The following CEP170 variants were observed in gnomAD, a reference collection of about 807,000 sequenced individuals.
The protein encoded by CEP170 is centrosomal protein of 170 kDa.
CEP170 carries 21 observed loss-of-function variants against 151.9 expected under a neutral mutation model. That is an observed-to-expected ratio of 0.14 (90% CI 0.10 to 0.20). The LOEUF (loss-of-function observed/expected upper bound fraction) is 0.20, where lower values mean the gene tolerates loss of function less well. Ranked by LOEUF, CEP170 falls within the 10% of genes least tolerant of loss-of-function variation. CEP170 has a pLI of 1.00. For missense variants in CEP170, 964 were observed against 1,892.9 expected, an observed-to-expected ratio of 0.51 and a Z score of 9.11; for synonymous variants, 356 against 648.8, an observed-to-expected ratio of 0.55 and a Z score of 6.86.
In CEP170 at chr1:243,165,902, T is replaced by C; in HGVS notation, c.2058A>G (p.Val686=). The change falls in exon 13 of 20, where the codon GTA becomes GTG. Residue 686 remains valine, a synonymous_variant. Transcript: ENST00000366542. The part of the protein sequence containing the change: ...ELQEKETPTQ[V]YQKDKQDADR... ...CAGCATCTTGTTTATCTTTCTGGTA[T>C]ACCTGTGTAGGTGTTTCTTTCTCCT... 6.2e-7 allele frequency: 1 copy of C among 1,613,886 alleles called. No homozygotes were observed. Among genetic ancestry groups the C allele is most frequent in the South Asian group, 1.1e-5 (1 of 91,078 alleles).
intron 1 of CEP170, among the ~76,000 whole-genome samples, chr1:243,230,535 G>C (rs1264921857): frequency 6.6e-6 from 1 of 152,088 alleles, no homozygotes; most frequent in Non-Finnish European, 1.5e-5. Context: ...AAAAAAATGA[G>C]AATATCAGTA....
rs957153071 is a variant in CEP170, at chr1:243,221,867, AGTC to A, written c.106-57_106-55del. 4.9e-5 allele frequency: 74 copies of A among 1,507,448 alleles called. 1 individual carries two copies. In the African/African-American group the frequency reaches 7.9e-4, roughly 16 times the overall value. 93.4% of individuals were successfully genotyped at this position (1,507,448 alleles called of 1,614,324 possible). On this transcript the variant is annotated intron_variant, in intron 2 of 19. Coordinates refer to ENST00000366542, the MANE Select transcript of CEP170 (RefSeq NM_014812.3). ...ATAAGAAAATACTAGAATAAATACCAGTCACATTTTGGCTAGATACCTAATATT... is the reference window on the plus strand; with the variant it reads ...ATAAGAAAATACTAGAATAAATACCAACATTTTGGCTAGATACCTAATATT...
chr1:243,159,869 A>C (rs1387288104), intron 13 of CEP170, among the ~76,000 whole-genome samples: 1 of 149,124 alleles, frequency 6.7e-6, no homozygotes, highest in African/African-American at 2.5e-5. Context: ...GCTCACTGCA[A>C]TCTCCACCTC....
At chr1:243,144,884 G>T (rs2056283147) in intron 14 of CEP170, among the ~76,000 whole-genome samples, 1 of 152,258 alleles carries the variant, frequency 6.6e-6, no homozygotes, top group East Asian at 1.9e-4. Flanking sequence ...ATTAGTCCTA[G>T]TCTTTATGTT....
chr1:243,141,162 T>C (rs1042278446), intron 15 of CEP170, among the ~76,000 whole-genome samples: 5 of 152,204 alleles, frequency 3.3e-5, no homozygotes, highest in Non-Finnish European at 4.4e-5. Context: ...ATTAAATTTG[T>C]CAAAAAGGCT....
chr1:243,132,037 A>G (rs1340586344), intron 17 of CEP170, among the ~76,000 whole-genome samples: 1 of 152,208 alleles, frequency 6.6e-6, no homozygotes, highest in African/African-American at 2.4e-5. Flanking sequence ...CATGGAATGC[A>G]ATGAGAATGC....
At chr1:243,164,187 G>GCTTC in intron 13 of CEP170, 97 bp downstream of exon 13, 1 of 1,287,806 alleles carries the variant, frequency 7.8e-7, no homozygotes, top group Middle Eastern at 2.9e-4. Context: ...GAGTATCTTG[G>GCTTC]GAAGACAACT....
chr1:243,136,000 A>G, intron 17 of CEP170, 143 bp downstream of exon 17: 2 of 1,252,416 alleles, frequency 1.6e-6, no homozygotes, highest in South Asian at 1.5e-5. Flanking sequence ...TTAAAGTTAT[A>G]AAGTAGTACT....
intron 1 of CEP170, among the ~76,000 whole-genome samples, chr1:243,244,172 G>A (rs140606791): frequency 2.6e-4 from 39 of 152,196 alleles, no homozygotes; most frequent in Middle Eastern, 6.8e-3. Flanking sequence ...GCTGATGAAT[G>A]GAATGATAAA....
chr1:243,196,632 G>A (rs1014301367), intron 7 of CEP170, among the ~76,000 whole-genome samples: 3 of 152,042 alleles, frequency 2.0e-5, no homozygotes, highest in African/African-American at 7.2e-5. Context: ...CTATCATACT[G>A]ATTTTCAGAG....
chr1:243,211,875 T>C lies in CEP170; in HGVS notation c.274+11A>G, dbSNP rs944471787. 3 of 1,600,950 alleles carry C rather than the reference T, an allele frequency of 1.9e-6. No homozygotes were observed. The highest frequency in any genetic ancestry group is 1.1e-5 in the South Asian group (1 of 87,788). On this transcript the variant is annotated intron_variant, in intron 4 of 19. Coordinates refer to ENST00000366542, the MANE Select transcript of CEP170 (RefSeq NM_014812.3). ...TAAATTTAATAAGTACATAAAACCA[T>C]TTAAGGATATCATATCCAAATCTCA...
chr1:243,133,002 T>C (rs2054599201), intron 17 of CEP170, among the ~76,000 whole-genome samples: 1 of 152,184 alleles, frequency 6.6e-6, no homozygotes, highest in Non-Finnish European at 1.5e-5. Context: ...TATATTAGCT[T>C]CCTATGGTTT....
At chr1:243,221,461 C>T (rs1408926960) in intron 3 of CEP170, 1 of 414,860 alleles carries the variant, frequency 2.4e-6, no homozygotes, top group Non-Finnish European at 4.2e-6. Context: ...AGCTTAGGTT[C>T]CAACTCCTTA....
chr1:243,147,793 A>G (rs2148377154), intron 14 of CEP170, among the ~76,000 whole-genome samples: 1 of 152,328 alleles, frequency 6.6e-6, no homozygotes, highest in South Asian at 2.1e-4. Flanking sequence ...CTTCTACGTA[A>G]AAATTTTTAG....
At chr1:243,223,985 A>G (rs2063029958) in intron 2 of CEP170, among the ~76,000 whole-genome samples, 1 of 152,198 alleles carries the variant, frequency 6.6e-6, no homozygotes, top group African/African-American at 2.4e-5. Flanking sequence ...CTAGTGACCG[A>G]GTCAAGGAAA....
At chr1:243,233,739 A>T (rs1428108963) in intron 1 of CEP170, among the ~76,000 whole-genome samples, 1 of 124,172 alleles carries the variant, frequency 8.1e-6, no homozygotes, top group Admixed American at 7.8e-5. Flanking sequence ...TCTCAAAAAA[A>T]AAATATATAT....
At position 243,185,430 on chromosome 1, in the gene CEP170, T is replaced by C. The variant is rs1204937521; in HGVS notation, c.1566+349A>G. On this transcript the variant is annotated intron_variant, in intron 10 of 19. Coordinates refer to ENST00000366542, the MANE Select transcript of CEP170 (RefSeq NM_014812.3). This position sits in a 1 kb window ranked among gnomAD's most constrained non-coding sequence, Gnocchi z 4.9. ...ATCTACATTTATGTTAACAGAGTTA[T>C]AGCAATGTTTGTTGGTTGTTTCTTT... is the stretch of plus-strand genomic sequence containing the variant. Among the ~76,000 whole-genome samples the C allele has an allele frequency of 2.0e-5, 3 of 152,358 alleles. No individual in the cohort carries two copies. Among genetic ancestry groups the C allele is most frequent in the Admixed American group, 6.5e-5 (1 of 15,306 alleles).
chr1:243,195,794 C>T (rs1311012895), intron 7 of CEP170, among the ~76,000 whole-genome samples: 2 of 152,070 alleles, frequency 1.3e-5, no homozygotes, highest in African/African-American at 4.8e-5. Context: ...TAAATTATTA[C>T]AAGACAGTAA....
chr1:243,225,967 ATATC>A (rs149086692), intron 1 of CEP170, among the ~76,000 whole-genome samples: 40 of 148,974 alleles, frequency 2.7e-4, no homozygotes, highest in East Asian at 2.0e-4. Context: ...TGGGCAATAC[ATATC>A]TATCTATCTA....
Sources: gnomAD v4.1 joint callset for allele counts (sites outside exome capture counted in the v4.1 genomes callset) on GRCh38, gnomAD v4.1.1 for gene constraint, Gnocchi (gnomAD v3.1) non-coding constraint, MANE v1.5 for transcripts, NCBI Gene and HGNC (gene_info 2026-07-23, HGNC 2026-07-21) for gene names.